Variants in VPS33B observed in about 807,000 individuals in gnomAD.
VPS33B encodes the protein vacuolar protein sorting-associated protein 33B.
In VPS33B, 80 loss-of-function variants were observed where a neutral mutation model predicts 95.3. That is an observed-to-expected ratio of 0.84 (90% CI 0.70 to 1.01). The LOEUF (loss-of-function observed/expected upper bound fraction) is 1.01, where lower values mean the gene tolerates loss of function less well. Ranked by LOEUF, VPS33B falls within the 50% of genes least tolerant of loss-of-function variation. The pLI is 0.00. For missense variants in VPS33B, 715 were observed against 773.4 expected, an observed-to-expected ratio of 0.92 and a Z score of 0.90; for synonymous variants, 280 against 280.4, an observed-to-expected ratio of 1.00 and a Z score of 0.01.
At position 91,010,764 on chromosome 15, in the gene VPS33B, G is replaced by C. The variant is rs1279383521; in HGVS notation, c.358-918C>G. Among the ~76,000 whole-genome samples the C allele has an allele frequency of 6.6e-6, 1 of 152,144 alleles. No homozygotes were observed. Among genetic ancestry groups the C allele is most frequent in the African/African-American group, 2.4e-5 (1 of 41,432 alleles). ...AGAGAAGCAGGGGCAGGAGAAAACA[G>C]CAACAGTCAAGGCAGGAAAGGTGAG... On this transcript the variant is annotated intron_variant, in intron 5 of 22. Transcript: ENST00000333371. The surrounding 1 kb of genome is among the most constrained non-coding windows in gnomAD (Gnocchi z 5.7).
Position 91,002,104 on chromosome 15 carries a change from T to C in VPS33B, c.1351A>G (p.Thr451Ala), listed in dbSNP as rs148809175. 75 of 1,614,140 alleles carry C rather than the reference T, an allele frequency of 4.6e-5. No individual in the cohort carries two copies. The African/African-American group carries it at 8.1e-4, about 17-fold the overall frequency. The change falls in exon 18 of 23, where the codon ACC (threonine) becomes GCC (alanine). Residue 451 changes from threonine to alanine, a missense_variant. Transcript: ENST00000333371. This position sits in a 1 kb window ranked among gnomAD's most constrained non-coding sequence, Gnocchi z 4.7. ...GLLTEQAPGDTLTAVESKVSK... is the reference protein window; with the variant it reads ...GLLTEQAPGDALTAVESKVSK... ...ACTTTACTCTCCACGGCTGTGAGGG[T>C]GTCCCCGGGGGCCTGCTCCGTTAGG... is the stretch of plus-strand genomic sequence containing the variant.
Position 91,005,112 on chromosome 15 carries a change from T to C in VPS33B, c.1113A>G (p.Leu371=). Residue 371 remains leucine, a synonymous_variant, in exon 15 of 23, where the codon CTA becomes CTG. Coordinates refer to ENST00000333371, the MANE Select transcript of VPS33B (RefSeq NM_018668.5). The surrounding 1 kb of genome is among the most constrained non-coding windows in gnomAD (Gnocchi z 6.4). Reference sequence around the variant, plus strand: ...TGCTCTCCCGGATGTTGAACCCCTCTAGCAGTGCTGTGAGTAATCAGAGGA... The same window carrying C: ...TGCTCTCCCGGATGTTGAACCCCTCCAGCAGTGCTGTGAGTAATCAGAGGA... ...QELIKTEHAL[L]EGFNIRESTS... is the part of the protein sequence containing the mutation. 2 of 1,614,182 alleles carry C rather than the reference T, an allele frequency of 1.2e-6. No homozygotes were observed. The highest frequency in any genetic ancestry group is 3.3e-4 in the Middle Eastern group (2 of 6,062).
chr15:91,019,809 A>ATT (rs5814457), intron 1 of VPS33B, among the ~76,000 whole-genome samples: 1,519 of 148,216 alleles, frequency 0.01, 11 homozygotes, highest in Non-Finnish European at 0.014. Flanking sequence ...GTGTAATATA[A>ATT]TTTTTTTTTT....
rs1403209903 is a variant in VPS33B at position 90,998,902 on chromosome 15, G to C, written c.*73C>G. 1 of 1,523,280 alleles carries C rather than the reference G, an allele frequency of 6.6e-7. No individual in the cohort carries two copies. The highest frequency in any genetic ancestry group is 9.1e-7 in the Non-Finnish European group (1 of 1,104,832). 94.4% of individuals were successfully genotyped at this position (1,523,280 alleles called of 1,614,324 possible). A position where few individuals can be genotyped will look rare whatever the true frequency, so the allele number is the denominator to read the frequency against. On this transcript the variant is annotated 3_prime_UTR_variant, in exon 23 of 23. Coordinates refer to ENST00000333371, the MANE Select transcript of VPS33B (RefSeq NM_018668.5). This position sits in a 1 kb window ranked among gnomAD's most constrained non-coding sequence, Gnocchi z 4.8. ...AGTTGGTGGACACTTGGTTATAGCA[G>C]CTGGGTGCCAGATGCCTGCATCTCA...
At position 91,009,763 on chromosome 15, in the gene VPS33B, TTC is replaced by T. The variant is rs1213032184; in HGVS notation, c.403+36_403+37del. The T allele has an allele frequency of 2.5e-6, 4 of 1,613,164 alleles. No homozygotes were observed. The highest frequency in any genetic ancestry group is 3.4e-6 in the Non-Finnish European group (4 of 1,179,188). On this transcript the variant is annotated intron_variant, in intron 6 of 22. Transcript: ENST00000333371. This position sits in a 1 kb window ranked among gnomAD's most constrained non-coding sequence, Gnocchi z 4.1. ...CAACAACAGTTTTTTCTTCTGTATGTTCTCTTTCCCTTTCCACTCACATTCAT... is the reference window on the plus strand; with the variant it reads ...CAACAACAGTTTTTTCTTCTGTATGTTCTTTCCCTTTCCACTCACATTCAT...
intron 1 of VPS33B, among the ~76,000 whole-genome samples, chr15:91,020,134 T>C (rs2041061775): frequency 6.6e-6 from 1 of 152,184 alleles, no homozygotes; most frequent in Non-Finnish European, 1.5e-5. Flanking sequence ...TGAAAGAAAT[T>C]AACAGTGTTA....
chr15:91,019,816 T>C (rs1264099093), intron 1 of VPS33B, among the ~76,000 whole-genome samples: 1 of 151,826 alleles, frequency 6.6e-6, no homozygotes, highest in African/African-American at 2.4e-5. Flanking sequence ...ATAATTTTTT[T>C]TTTTTTGAGA....
In VPS33B at chr15:91,005,231, G is replaced by A; in HGVS notation, c.1106-112C>T. On this transcript the variant is annotated intron_variant, in intron 14 of 22. Transcript: ENST00000333371. The surrounding 1 kb of genome is among the most constrained non-coding windows in gnomAD (Gnocchi z 6.4). ...TTCTCCATCCTTGGGGTGGGTTAAG[G>A]GACCCCCAGGACTTCTAGCAGGAAC... The A allele has an allele frequency of 1.2e-6, 2 of 1,611,388 alleles. No homozygotes were observed. Among genetic ancestry groups the A allele is most frequent in the Non-Finnish European group, 1.7e-6 (2 of 1,179,412 alleles).
Position 91,002,312 on chromosome 15 carries a change from A to C in VPS33B, c.1273-130T>G. The C allele has an allele frequency of 7.4e-7, 1 of 1,350,472 alleles. No homozygotes were observed. The highest frequency in any genetic ancestry group is 2.5e-5 in the East Asian group (1 of 39,794). The allele number at this position is 1,350,472 out of a possible 1,614,324, so 83.7% of individuals were successfully genotyped here. A position where few individuals can be genotyped will look rare whatever the true frequency, so the allele number is the denominator to read the frequency against. On this transcript the variant is annotated intron_variant, in intron 17 of 22. Coordinates refer to ENST00000333371, the MANE Select transcript of VPS33B (RefSeq NM_018668.5). The surrounding 1 kb of genome is among the most constrained non-coding windows in gnomAD (Gnocchi z 4.7). Reference sequence around the variant, plus strand: ...GTGAAGGAGCTCACACTTTGTTGAGATAAATTTTCACATCAGAAATAACCA... The same window carrying C: ...GTGAAGGAGCTCACACTTTGTTGAGCTAAATTTTCACATCAGAAATAACCA...
At position 91,022,373 on chromosome 15, in the gene VPS33B, G is replaced by C. The variant is rs1638473130; in HGVS notation, c.-124C>G. ...TGGGCACCGACTTCCAGAGACCCCA[G>C]ATGGGCCCTCGCTCCTCAGCAGCAC... is the stretch of plus-strand genomic sequence containing the variant. On this transcript the variant is annotated 5_prime_UTR_variant, in exon 1 of 23. In the 5' UTR this introduces an upstream ATG that the reference lacks. Coordinates refer to ENST00000333371, the MANE Select transcript of VPS33B (RefSeq NM_018668.5). 4 of 911,602 alleles carry C rather than the reference G, an allele frequency of 4.4e-6. No individual in the cohort carries two copies. The highest frequency in any genetic ancestry group is 4.9e-6 in the Non-Finnish European group (3 of 612,890). 56.5% of individuals were successfully genotyped at this position (911,602 alleles called of 1,614,324 possible).
intron 1 of VPS33B, among the ~76,000 whole-genome samples, chr15:91,021,308 A>G (rs772907518): frequency 1.3e-5 from 2 of 152,166 alleles, no homozygotes; most frequent in Non-Finnish European, 2.9e-5. Context: ...TGGCAGTATT[A>G]TTTTCCTAAT....
rs1017326525 is a variant in VPS33B, at chr15:91,006,170, C to T, written c.853-111G>A. ...TGTTCTGGCAGAAATACAAAGAAAG[C>T]TGAGCTGGGATCTGTAAGTCCATAT... On this transcript the variant is annotated intron_variant, in intron 11 of 22. Coordinates refer to ENST00000333371, the MANE Select transcript of VPS33B (RefSeq NM_018668.5). This position sits in a 1 kb window ranked among gnomAD's most constrained non-coding sequence, Gnocchi z 5.4. 7.2e-7 allele frequency: 1 copy of T among 1,386,412 alleles called. No homozygotes were observed. The highest frequency in any genetic ancestry group is 1.4e-5 in the African/African-American group (1 of 70,812). 85.9% of individuals were successfully genotyped at this position (1,386,412 alleles called of 1,614,324 possible).
At position 91,006,518 on chromosome 15, in the gene VPS33B, A is replaced by G; in HGVS notation, c.779-73T>C. 6.2e-7 allele frequency: 1 copy of G among 1,611,060 alleles called. No homozygotes were observed. Among genetic ancestry groups the G allele is most frequent in the Non-Finnish European group, 8.5e-7 (1 of 1,177,364 alleles). ...CCTACCATTCCCTGAACTGCCATAA[A>G]GGTCCTCAAACTATTTGGAAGCCAG... On this transcript the variant is annotated intron_variant, in intron 10 of 22. Transcript: ENST00000333371. This position sits in a 1 kb window ranked among gnomAD's most constrained non-coding sequence, Gnocchi z 5.4.
In VPS33B at chr15:91,000,710, G is replaced by C; in HGVS notation, c.1480-119C>G. ...CTTATTTCAACTAAAGGGAGAACCAGCAATAGCCCTGAAAAGAGAATCCAT... is the reference window on the plus strand; with the variant it reads ...CTTATTTCAACTAAAGGGAGAACCACCAATAGCCCTGAAAAGAGAATCCAT... On this transcript the variant is annotated intron_variant, in intron 19 of 22. Transcript: ENST00000333371. This position sits in a 1 kb window ranked among gnomAD's most constrained non-coding sequence, Gnocchi z 4.9. The C allele has an allele frequency of 1.2e-6, 1 of 851,422 alleles. No individual in the cohort carries two copies. The highest frequency in any genetic ancestry group is 2.3e-4 in the Middle Eastern group (1 of 4,320). 52.7% of individuals were successfully genotyped at this position (851,422 alleles called of 1,614,324 possible). A position where few individuals can be genotyped will look rare whatever the true frequency, so the allele number is the denominator to read the frequency against.
Position 91,001,406 on chromosome 15 carries a change from T to G in VPS33B, c.1462A>C (p.Ser488Arg), listed in dbSNP as rs754469121. The G allele has an allele frequency of 3.7e-6, 6 of 1,613,998 alleles. No individual in the cohort carries two copies. The East Asian group carries it at 1.3e-4, about 36-fold the overall frequency. The change falls in exon 19 of 23, where the codon AGC (serine) becomes CGC (arginine). Residue 488 changes from serine (S) to arginine (R), a missense_variant. Physicochemically the swap from Ser to Arg is moderately radical, Grantham distance 110. Transcript: ENST00000333371. ...CCACATACCAAATTCAGCTTTTTGC[T>G]GATGGCACGAAAATTGCTCCTCTTG... ...LAKRSNFRAI[S>R]KKLNLIPRVD...
At chr15:91,020,073 G>A (rs1180340200) in intron 1 of VPS33B, among the ~76,000 whole-genome samples, 1 of 152,094 alleles carries the variant, frequency 6.6e-6, no homozygotes, top group East Asian at 1.9e-4. Context: ...CCAAAGTGCT[G>A]GGATTACAGG....
At chr15:91,022,602 T>C (rs905730929), upstream of VPS33B, 51 of 176,812 alleles carry the variant, frequency 2.9e-4, no homozygotes, top group Non-Finnish European at 1.3e-4. Flanking sequence ...TTCCTAGATC[T>C]CCCGGAAGTC....
At chr15:91,014,018 G>C (rs1415301256) in intron 4 of VPS33B, 147 bp from the exon 5 acceptor site, 1 of 947,486 alleles carries the variant, frequency 1.1e-6, no homozygotes, top group African/African-American at 1.6e-5. Context: ...AGGAGTTTGC[G>C]ACCAGCCTGG....
chr15:91,006,350 T>C lies in VPS33B; in HGVS notation c.852+22A>G, dbSNP rs767296230. On this transcript the variant is annotated intron_variant, in intron 11 of 22. Transcript: ENST00000333371. The surrounding 1 kb of genome is among the most constrained non-coding windows in gnomAD (Gnocchi z 5.4). ...TAAGCAGTGGCCCTAGGTGGGCCCA[T>C]TGCTAGCACCCACACCCTCACCTTG... 6 of 1,613,942 alleles carry C rather than the reference T, an allele frequency of 3.7e-6. No homozygotes were observed. Among genetic ancestry groups the C allele is most frequent in the Admixed American group, 1.7e-5 (1 of 60,012 alleles).
Sources: allele counts gnomAD v4.1 joint callset (sites outside exome capture counted in the v4.1 genomes callset), GRCh38; gene constraint gnomAD v4.1.1; non-coding constraint Gnocchi (gnomAD v3.1); transcripts MANE v1.5; gene names NCBI Gene and HGNC (gene_info 2026-07-23, HGNC 2026-07-21).